Variants in BCAR1 observed in about 807,000 individuals in gnomAD.
BCAR1 encodes the protein breast cancer anti-estrogen resistance protein 1.
In BCAR1, 30 loss-of-function variants were observed where a neutral mutation model predicts 67.6. The ratio of observed to expected loss-of-function variants is 0.44; its 90% CI spans 0.33 to 0.60. The LOEUF is 0.60. BCAR1 is among the 20% of genes least tolerant of loss of function. The pLI is 0.02. For missense variants in BCAR1, 1,313 were observed against 1,222.3 expected (o/e 1.07, Z -1.11); for synonymous variants, 626 against 556.7 (o/e 1.12, Z -1.75).
At chr16:75,256,677 T>G (rs1036349227) in intron 1 of BCAR1, among the ~76,000 whole-genome samples, 3 of 152,182 alleles carry the variant, frequency 2.0e-5, no homozygotes, top group Admixed American at 6.5e-5. Flanking sequence ...CTGCCGTAGG[T>G]GCCTGCCTCA....
chr16:75,247,816 A>G (rs1597248699), intron 1 of BCAR1: 1 of 556,632 alleles, frequency 1.8e-6, no homozygotes, highest in Non-Finnish European at 3.2e-6. Context: ...AGCAAATATG[A>G]CCTCAGCACC....
intron 2 of BCAR1, chr16:75,238,073 C>T: frequency 7.8e-7 from 1 of 1,289,054 alleles, no homozygotes; most frequent in South Asian, 1.2e-5. Context: ...CAGCCCTCCC[C>T]TCCCCAGGTG....
chr16:75,239,700 A>AGGACACACCCCAGCATGAG (rs1245143625), intron 2 of BCAR1, among the ~76,000 whole-genome samples: 5 of 152,162 alleles, frequency 3.3e-5, no homozygotes, highest in African/African-American at 1.2e-4. Context: ...CACGGCCACC[A>AGGACACACCCCAGCATGAG]GGACACACCC....
chr16:75,239,536 G>T (rs964754551), intron 2 of BCAR1, among the ~76,000 whole-genome samples: 1 of 152,180 alleles, frequency 6.6e-6, no homozygotes, highest in Non-Finnish European at 1.5e-5. Flanking sequence ...GACAAAGTGG[G>T]CCCCCGCCCT....
intron 1 of BCAR1, among the ~76,000 whole-genome samples, chr16:75,244,848 T>C (rs911405113): frequency 1.1e-4 from 17 of 152,108 alleles, no homozygotes; most frequent in Admixed American, 2.0e-4. Flanking sequence ...AAAAAGGCAC[T>C]CAAGTGAAAA....
chr16:75,257,895 C>A (rs2077818419), intron 1 of BCAR1, among the ~76,000 whole-genome samples: 1 of 152,212 alleles, frequency 6.6e-6, no homozygotes, highest in East Asian at 1.9e-4. Flanking sequence ...CAGGCTTAGA[C>A]TAGAGGAAGG....
At chr16:75,252,103 G>C, upstream of BCAR1, 4 of 1,265,182 alleles carry the variant, frequency 3.2e-6, no homozygotes, top group South Asian at 5.2e-5. Flanking sequence ...GCCCCAGCCT[G>C]TAGGAGACGA....
Position 75,259,980 on chromosome 16 carries a change from G to A in BCAR1, c.66+7935C>T, listed in dbSNP as rs142173782. 1.7e-4 allele frequency among the ~76,000 whole-genome samples: 26 copies of A among 152,248 alleles called. No individual in the cohort carries two copies. The East Asian group carries it at 4.6e-3, about 27-fold the overall frequency. On this transcript the variant is annotated intron_variant, in intron 1 of 6. Transcript: ENST00000393422. The stretch of plus-strand genomic sequence containing the variant: ...AGGCCAAGGCGGGTGGATCACCTGA[G>A]GTCAGGAGTTCGAAACCAGTCTGGC...
At chr16:75,252,474 T>A (rs2077701635), upstream of BCAR1, 1 of 1,374,060 alleles carries the variant, frequency 7.3e-7, no homozygotes, top group African/African-American at 1.5e-5. Flanking sequence ...TCTCCTGAGT[T>A]GCCCCTTGCT....
At chr16:75,236,407 C>G in intron 4 of BCAR1, 1 of 326,624 alleles carries the variant, frequency 3.1e-6, no homozygotes, top group Non-Finnish European at 5.6e-6. Flanking sequence ...ACCATCACCG[C>G]CGCTGCCACC....
intron 1 of BCAR1, chr16:75,248,003 A>T (rs995527743): frequency 4.6e-6 from 5 of 1,096,678 alleles, no homozygotes; most frequent in Admixed American, 1.7e-5. Context: ...TCTTTCCCAC[A>T]CAGCCACCAG....
chr16:75,262,613 C>T (rs565589875), intron 1 of BCAR1, among the ~76,000 whole-genome samples: 1 of 152,334 alleles, frequency 6.6e-6, no homozygotes, highest in African/African-American at 2.4e-5. Context: ...TCTCTGTCCA[C>T]TGCCTGGCTG....
Position 75,235,292 on chromosome 16 carries a change from G to A in BCAR1, c.1607C>T (p.Ala536Val), listed in dbSNP as rs1244737519. ...CTGCCGGCTAAGCTTGGCATGCAGG[G>A]CACGGTCAGATGTGTGGGCAGCATT... The part of the protein sequence containing the change: ...VGNAAHTSDR[A>V]LHAKLSRQLQ... Residue 536 changes from alanine to valine, a missense_variant, in exon 5 of 7, where the codon GCC (alanine) becomes GTC (valine). Physicochemically the swap from Ala to Val is moderately conservative, Grantham distance 64. This residue lies in a region of BCAR1 where 1,272 missense variants were observed against 1,137.5 expected (regional missense o/e 1.12). Coordinates refer to ENST00000162330, the MANE Select transcript of BCAR1 (RefSeq NM_014567.5). 6.2e-7 allele frequency: 1 copy of A among 1,606,058 alleles called. No individual in the cohort carries two copies. The highest frequency in any genetic ancestry group is 1.1e-5 in the South Asian group (1 of 90,998).
intron 2 of BCAR1, 90 bp downstream of exon 2, chr16:75,242,380 T>G: frequency 7.6e-7 from 1 of 1,316,142 alleles, no homozygotes. Flanking sequence ...GGAATGCCGG[T>G]GATTGAGGGT....
chr16:75,250,614 G>A lies in BCAR1; in HGVS notation c.12+857C>T, dbSNP rs964973363. ...TCGAAACCCCAACATCTTCCAGGCC[G>A]TAAGCCCCTCACCCCGCACCCCTAG... On this transcript the variant is annotated intron_variant, in intron 1 of 6. Transcript: ENST00000162330. 4.2e-5 allele frequency: 41 copies of A among 983,974 alleles called. No homozygotes were observed. The South Asian group carries it at 1.6e-3, about 40-fold the overall frequency. The allele number at this position is 983,974 out of a possible 1,614,324, so 61.0% of individuals were successfully genotyped here.
At position 75,233,948 on chromosome 16, in the gene BCAR1, G is replaced by C. The variant is rs2076993261; in HGVS notation, c.2011-13C>G. The C allele has an allele frequency of 6.3e-7, 1 of 1,592,622 alleles. No homozygotes were observed. The highest frequency in any genetic ancestry group is 8.6e-7 in the Non-Finnish European group (1 of 1,168,412). ...ACTCCTCCTTCCCCTGGAGGGCAGA[G>C]ACAGGGGCTGCGCTGAGGCCAGTTT... is the stretch of plus-strand genomic sequence containing the variant. On this transcript the variant is annotated splice_polypyrimidine_tract_variant and intron_variant, in intron 5 of 6. Transcript: ENST00000162330.
rs1403303324 is a variant in BCAR1 at position 75,228,852 on chromosome 16, GCAGGCCTCACCCCGCCTC to G, written c.*641_*658del. On this transcript the variant is annotated 3_prime_UTR_variant, in exon 7 of 7. Coordinates refer to ENST00000162330, the MANE Select transcript of BCAR1 (RefSeq NM_014567.5). ...GGCTCCCAGGGCCTTGTGGCCAGCT[GCAGGCCTCACCCCGCCTC>G]CAGGAGACACCCAGCCTCGGCGTTC... 6.6e-6 allele frequency: 1 copy of G among 152,358 alleles called. No individual in the cohort carries two copies. The highest frequency in any genetic ancestry group is 1.5e-5 in the Non-Finnish European group (1 of 68,170). The allele number at this position is 152,358 out of a possible 1,614,324, so 9.4% of individuals were successfully genotyped here. A position where few individuals can be genotyped will look rare whatever the true frequency, so the allele number is the denominator to read the frequency against.
intron 1 of BCAR1, chr16:75,264,067 G>C (rs544766063): frequency 5.6e-5 from 69 of 1,241,156 alleles, no homozygotes; most frequent in Non-Finnish European, 6.4e-5. Flanking sequence ...CTCAGAGCCC[G>C]TGATGGTGTG....
chr16:75,251,785 G>A, upstream of BCAR1: 1 of 428,694 alleles, frequency 2.3e-6, no homozygotes, highest in Non-Finnish European at 2.7e-6. Context: ...GCCGCCCCCC[G>A]CCCCGCCCCC....
Sources: allele counts gnomAD v4.1 joint callset (sites outside exome capture counted in the v4.1 genomes callset), GRCh38; gene constraint gnomAD v4.1.1; regional missense constraint gnomAD v4.1.1; transcripts MANE v1.5; gene names NCBI Gene and HGNC (gene_info 2026-07-23, HGNC 2026-07-21).